The following KCNK16 variants were observed in gnomAD, a reference collection of about 807,000 sequenced individuals.
The protein encoded by KCNK16 is potassium channel subfamily K member 16.
KCNK16 carries 23 observed loss-of-function variants against 23.0 expected under a neutral mutation model. The observed-to-expected ratio is 1.00, with a 90% CI of 0.72 to 1.41. The LOEUF is 1.41. KCNK16 is among the 40% of genes most tolerant of loss of function. KCNK16 has a pLI of 0.00. For missense variants in KCNK16, 327 were observed against 365.8 expected, an observed-to-expected ratio of 0.89 and a Z score of 0.87; for synonymous variants, 145 against 153.5, an observed-to-expected ratio of 0.94 and a Z score of 0.41.
chr6:39,315,470 T>C (rs1234191682), downstream of KCNK16: 23 of 1,512,472 alleles, frequency 1.5e-5, 1 homozygote, highest in South Asian at 2.9e-4. Context: ...GGAAAGTGGG[T>C]AGGACACCCA....
chr6:39,315,563 C>T (rs1216682560), downstream of KCNK16: 1 of 748,876 alleles, frequency 1.3e-6, no homozygotes, highest in Non-Finnish European at 2.1e-6. Flanking sequence ...GCTCGCCTGC[C>T]CCTCGGCTGA....
chr6:39,320,548 C>T (rs149147174), intron 1 of KCNK16, among the ~76,000 whole-genome samples: 3 of 152,350 alleles, frequency 2.0e-5, no homozygotes, highest in Non-Finnish European at 2.9e-5. Flanking sequence ...TCGCCCTGTG[C>T]GTCTGAGAGT....
At position 39,322,357 on chromosome 6, in the gene KCNK16, C is replaced by G. The variant is rs779024368; in HGVS notation, c.184G>C (p.Asp62His). 6.2e-7 allele frequency: 1 copy of G among 1,614,144 alleles called. No homozygotes were observed. The highest frequency in any genetic ancestry group is 8.5e-7 in the Non-Finnish European group (1 of 1,179,984). ...ACAAACTGCTCCATGGCCCACTGGT[C>G]CAGGCAGGTGTAGTTCTCCAGGAAG... ...LRFLENYTCL[D>H]QWAMEQFVQV... The change falls in exon 1 of 5, where the codon GAC becomes CAC. Residue 62 changes from aspartate to histidine, a missense_variant. Physicochemically the swap from Asp to His is moderately conservative, Grantham distance 81. Transcript: ENST00000437525.
At chr6:39,317,481 C>T (rs893808417) in intron 3 of KCNK16, among the ~76,000 whole-genome samples, 1 of 152,216 alleles carries the variant, frequency 6.6e-6, no homozygotes, top group Admixed American at 6.5e-5. Flanking sequence ...GGGGCATACC[C>T]TTCCTGGGAA....
chr6:39,317,561 T>C (rs1413422960), intron 3 of KCNK16, among the ~76,000 whole-genome samples: 1 of 152,196 alleles, frequency 6.6e-6, no homozygotes, highest in Non-Finnish European at 1.5e-5. Flanking sequence ...GGGACAACTC[T>C]GACAGCTCTC....
At chr6:39,322,758 C>A (rs758315902), upstream of KCNK16, 2 of 617,796 alleles carry the variant, frequency 3.2e-6, no homozygotes, top group Non-Finnish European at 5.3e-6. Flanking sequence ...GCCGGCCACC[C>A]CCACCCGGCC....
Position 39,316,774 on chromosome 6 carries a change from G to C in KCNK16, c.661+8C>G. 6.2e-7 allele frequency: 1 copy of C among 1,612,838 alleles called. No homozygotes were observed. The highest frequency in any genetic ancestry group is 8.5e-7 in the Non-Finnish European group (1 of 1,179,350). On this transcript the variant is annotated splice_region_variant and intron_variant, in intron 4 of 4. Coordinates refer to ENST00000437525, the MANE Select transcript of KCNK16 (RefSeq NM_001135106.2). Reference sequence around the variant, plus strand: ...CACCCTGAGATAATGTGACTGTTTTGTTCTCACCAACAACATAGTCCCCAA... The same window carrying C: ...CACCCTGAGATAATGTGACTGTTTTCTTCTCACCAACAACATAGTCCCCAA...
At chr6:39,315,019 T>C (rs1310077678), downstream of KCNK16, 1 of 1,606,022 alleles carries the variant, frequency 6.2e-7, no homozygotes, top group Non-Finnish European at 8.5e-7. Flanking sequence ...CCCAGTCCTT[T>C]CTTGGATATG....
rs1158783472 is a variant in KCNK16, at chr6:39,319,960, C to T, written c.214-827G>A. 4.6e-5 allele frequency among the ~76,000 whole-genome samples: 7 copies of T among 152,300 alleles called. No homozygotes were observed. Among genetic ancestry groups the T allele is most frequent in the South Asian group, 2.1e-4 (1 of 4,816 alleles). ...ACAACCTCCAGTCCCTGGGCCCAGC[C>T]GCCTTGGAGAATAGGCAGGGCTCTC... On this transcript the variant is annotated intron_variant, in intron 1 of 4. Transcript: ENST00000437525. The surrounding 1 kb of genome is among the most constrained non-coding windows in gnomAD (Gnocchi z 4.2).
rs749071177 is a variant in KCNK16, at chr6:39,316,343, C to T, written c.761G>A (p.Gly254Asp). 5.0e-6 allele frequency: 8 copies of T among 1,611,804 alleles called. No individual in the cohort carries two copies. The African/African-American group carries it at 9.3e-5, about 19-fold the overall frequency. Reference protein sequence around the residue: ...LAWLALILPLGPLLLHRCCQL... With the variant: ...LAWLALILPLDPLLLHRCCQL... ...GCAGCATCTGTGCAGAAGCAGGGGG[C>T]CCAGTGGGAGGATCAGCGCCAGCCA... The change falls in exon 5 of 5, where the codon GGC becomes GAC. Residue 254 changes from glycine to aspartate, a missense_variant. Transcript: ENST00000437525.
Position 39,319,234 on chromosome 6 carries a change from T to A in KCNK16, c.214-101A>T, listed in dbSNP as rs1281927833. On this transcript the variant is annotated intron_variant, in intron 1 of 4. Coordinates refer to ENST00000437525, the MANE Select transcript of KCNK16 (RefSeq NM_001135106.2). The surrounding 1 kb of genome is among the most constrained non-coding windows in gnomAD (Gnocchi z 4.2). ...CAGCATGCTTTTGTGTCATCTCATC[T>A]AATGATACTCTTAGATGATATTGTT... is the stretch of plus-strand genomic sequence containing the variant. 5.5e-6 allele frequency: 4 copies of A among 726,838 alleles called. No homozygotes were observed. The highest frequency in any genetic ancestry group is 1.0e-5 in the Non-Finnish European group (4 of 399,182). 45.0% of individuals were successfully genotyped at this position (726,838 alleles called of 1,614,324 possible).
At chr6:39,320,056 G>A (rs1424144805) in intron 1 of KCNK16, among the ~76,000 whole-genome samples, 1 of 152,120 alleles carries the variant, frequency 6.6e-6, no homozygotes, top group Non-Finnish European at 1.5e-5. Flanking sequence ...CCTTGCCACC[G>A]AAGAGCCCCA....
At chr6:39,322,892 C>T (rs188608835), upstream of KCNK16, 511 of 264,256 alleles carry the variant, frequency 1.9e-3, 16 homozygotes, top group South Asian at 0.029. Context: ...TGGGCTAAAT[C>T]GGATAGGTGT....
downstream of KCNK16, chr6:39,314,926 C>A: frequency 2.8e-6 from 4 of 1,426,104 alleles, no homozygotes; most frequent in African/African-American, 1.4e-5. Context: ...CCACTCCTTG[C>A]TTCTGAGAAG....
Position 39,319,242 on chromosome 6 carries a change from C to G in KCNK16, c.214-109G>C. 1 of 697,074 alleles carries G rather than the reference C, an allele frequency of 1.4e-6. No individual in the cohort carries two copies. Among genetic ancestry groups the G allele is most frequent in the South Asian group, 1.5e-5 (1 of 64,944 alleles). The allele number at this position is 697,074 out of a possible 1,614,324, so 43.2% of individuals were successfully genotyped here. ...TTTTGTGTCATCTCATCTAATGATA[C>G]TCTTAGATGATATTGTTCCCATTTC... On this transcript the variant is annotated intron_variant, in intron 1 of 4. Transcript: ENST00000437525. This position sits in a 1 kb window ranked among gnomAD's most constrained non-coding sequence, Gnocchi z 4.2.
At chr6:39,318,762 C>A (rs1176955968) in intron 2 of KCNK16, among the ~76,000 whole-genome samples, 1 of 152,160 alleles carries the variant, frequency 6.6e-6, no homozygotes, top group Non-Finnish European at 1.5e-5. Flanking sequence ...CCTCGCTGGA[C>A]CGTTCTGAGG....
chr6:39,316,582 G>T, intron 4 of KCNK16, 140 bp from the exon 5 acceptor site: 1 of 1,201,042 alleles, frequency 8.3e-7, no homozygotes, highest in Non-Finnish European at 1.2e-6. Flanking sequence ...GGTCTCTGCA[G>T]GGTGGTGATG....
chr6:39,317,787 T>C lies in KCNK16; in HGVS notation c.494A>G (p.Gln165Arg). 6.3e-7 allele frequency: 1 copy of C among 1,589,280 alleles called. No individual in the cohort carries two copies. The highest frequency in any genetic ancestry group is 8.6e-7 in the Non-Finnish European group (1 of 1,167,816). ...CTGTAAGGGAGTTAGGGGGCATACC[T>C]GGGAGCGCCTGGGACGGTCCTCCCA... ...ERWEDRPRRS[Q>R]VLQVLGLALF... is the part of the protein sequence containing the mutation. The change falls in exon 3 of 5, where the codon CAG (glutamine) becomes CGG (arginine). Residue 165 changes from glutamine (Q) to arginine (R), a missense_variant and splice_region_variant. Gln to Arg is a conservative substitution (Grantham distance 43, BLOSUM62 1). Coordinates refer to ENST00000437525, the MANE Select transcript of KCNK16 (RefSeq NM_001135106.2).
In KCNK16 at chr6:39,316,306, C is replaced by T. The variant is rs757273279; in HGVS notation, c.798G>A (p.Leu266=). 5.6e-6 allele frequency: 9 copies of T among 1,607,020 alleles called. No homozygotes were observed. The highest frequency in any genetic ancestry group is 5.9e-6 in the Non-Finnish European group (7 of 1,177,408). Residue 266 remains leucine (L), a synonymous_variant, in exon 5 of 5, where the codon CTG becomes CTA. Transcript: ENST00000437525. Reference sequence around the variant, plus strand: ...CCTTGACGCCGAGGCCCCTACTGAGCAGCCAGAGCTGGCAGCATCTGTGCA... The same window carrying T: ...CCTTGACGCCGAGGCCCCTACTGAGTAGCCAGAGCTGGCAGCATCTGTGCA... ...LLLHRCCQLW[L]LSRGLGVKDG...
Sources: gnomAD v4.1 joint callset for allele counts (sites outside exome capture counted in the v4.1 genomes callset) on GRCh38, gnomAD v4.1.1 for gene constraint, Gnocchi (gnomAD v3.1) non-coding constraint, MANE v1.5 for transcripts, NCBI Gene and HGNC (gene_info 2026-07-23, HGNC 2026-07-21) for gene names.